The following NEGR1 variants were observed in gnomAD, a reference collection of about 807,000 sequenced individuals.
The protein encoded by NEGR1 is neuronal growth regulator 1.
A neutral mutation model predicts 40.9 loss-of-function variants in NEGR1; 10 were observed. That is an observed-to-expected ratio of 0.24 (90% CI 0.15 to 0.42). The LOEUF (loss-of-function observed/expected upper bound fraction) is 0.42, where lower values mean the gene tolerates loss of function less well. Ranked by LOEUF, NEGR1 falls within the 10% of genes least tolerant of loss-of-function variation. The pLI is 1.00. For missense variants in NEGR1, 352 were observed against 438.9 expected, an observed-to-expected ratio of 0.80 and a Z score of 1.77; for synonymous variants, 185 against 166.8, an observed-to-expected ratio of 1.11 and a Z score of -0.84.
At chr1:71,841,783 T>C (rs1380129138) in intron 2 of NEGR1, among the ~76,000 whole-genome samples, 1 of 152,150 alleles carries the variant, frequency 6.6e-6, no homozygotes, top group Admixed American at 6.6e-5. Flanking sequence ...AAGGCAAGGA[T>C]AGTGTCCTAA....
chr1:71,824,837 T>A (rs1202778401), intron 2 of NEGR1, among the ~76,000 whole-genome samples: 1 of 152,012 alleles, frequency 6.6e-6, no homozygotes, highest in Non-Finnish European at 1.5e-5. Context: ...TGATTTATTC[T>A]TAGTTATTAC....
intron 6 of NEGR1, among the ~76,000 whole-genome samples, chr1:71,499,545 T>C (rs1013367898): frequency 1.3e-5 from 2 of 149,404 alleles, no homozygotes; most frequent in African/African-American, 4.9e-5. Context: ...GTTTACCATA[T>C]GCTGGGAATT....
rs1432681064 is a variant in NEGR1, at chr1:71,956,328, A to C, written c.177-21017T>G. On this transcript the variant is annotated intron_variant, in intron 1 of 6. Coordinates refer to ENST00000357731, the MANE Select transcript of NEGR1 (RefSeq NM_173808.3). Reference sequence around the variant, plus strand: ...TTATCTTCTACCGTGATTATTAATGACACAAATTAGAAATATATTCAACTT... The same window carrying C: ...TTATCTTCTACCGTGATTATTAATGCCACAAATTAGAAATATATTCAACTT... 2.0e-5 allele frequency among the ~76,000 whole-genome samples: 3 copies of C among 152,282 alleles called. No homozygotes were observed. In the East Asian group the frequency reaches 5.8e-4, roughly 29 times the overall value.
chr1:71,686,025 G>A (rs967559583), intron 4 of NEGR1, among the ~76,000 whole-genome samples: 2 of 63,410 alleles, frequency 3.2e-5, no homozygotes, highest in Non-Finnish European at 6.2e-5. Flanking sequence ...TCAAAGGCAT[G>A]AGACTCATAG....
At chr1:72,039,533 C>T (rs1363993545) in intron 1 of NEGR1, among the ~76,000 whole-genome samples, 1 of 151,896 alleles carries the variant, frequency 6.6e-6, no homozygotes, top group African/African-American at 2.4e-5. Context: ...TTGCATTTAA[C>T]AGTAAGAACC....
intron 6 of NEGR1, among the ~76,000 whole-genome samples, chr1:71,427,164 T>C (rs368445609): frequency 1.5e-4 from 23 of 152,218 alleles, no homozygotes; most frequent in Non-Finnish European, 2.9e-4. Context: ...TAGCTGGATA[T>C]TTCTCCGAGC....
chr1:71,996,761 C>A (rs113344161), intron 1 of NEGR1, among the ~76,000 whole-genome samples: 2 of 152,022 alleles, frequency 1.3e-5, no homozygotes, highest in Non-Finnish European at 2.9e-5. Context: ...ATAAAATGAT[C>A]TTTGCTTTCG....
chr1:71,638,956 C>A (rs1050632175), intron 4 of NEGR1, among the ~76,000 whole-genome samples: 3 of 151,492 alleles, frequency 2.0e-5, no homozygotes, highest in African/African-American at 7.3e-5. Flanking sequence ...TACTCACATT[C>A]ATTTCACCTA....
chr1:71,673,720 C>T (rs1409125411), intron 4 of NEGR1, among the ~76,000 whole-genome samples: 1 of 151,962 alleles, frequency 6.6e-6, no homozygotes, highest in Non-Finnish European at 1.5e-5. Flanking sequence ...TAACTTGTGA[C>T]AATATGTGAA....
chr1:71,848,367 G>C (rs1052304119), intron 2 of NEGR1, among the ~76,000 whole-genome samples: 5 of 152,158 alleles, frequency 3.3e-5, no homozygotes, highest in Non-Finnish European at 7.3e-5. Context: ...TTCATAGCTA[G>C]AGAGGTCAAA....
At chr1:72,114,734 G>A (rs984298840) in intron 1 of NEGR1, among the ~76,000 whole-genome samples, 1 of 151,668 alleles carries the variant, frequency 6.6e-6, no homozygotes, top group African/African-American at 2.4e-5. Context: ...TTTATTTTTG[G>A]TTTTAAAGAA....
intron 2 of NEGR1, among the ~76,000 whole-genome samples, chr1:71,910,294 T>C (rs981029420): frequency 6.6e-6 from 1 of 152,158 alleles, no homozygotes; most frequent in African/African-American, 2.4e-5. Flanking sequence ...TGTAAAAATA[T>C]GGACAATTAA....
intron 2 of NEGR1, among the ~76,000 whole-genome samples, chr1:71,840,743 C>T (rs1570418684): frequency 6.6e-6 from 1 of 152,070 alleles, no homozygotes; most frequent in African/African-American, 2.4e-5. Flanking sequence ...TTGACTGGAC[C>T]GTGGTACCCA....
At chr1:71,859,604 A>C (rs1236980564) in intron 2 of NEGR1, among the ~76,000 whole-genome samples, 1 of 152,000 alleles carries the variant, frequency 6.6e-6, no homozygotes, top group Non-Finnish European at 1.5e-5. Flanking sequence ...GTTCCGATAA[A>C]AATGTGTTTA....
chr1:71,975,226 A>G (rs960418690), intron 1 of NEGR1, among the ~76,000 whole-genome samples: 11 of 152,270 alleles, frequency 7.2e-5, no homozygotes, highest in Non-Finnish European at 1.5e-4. Flanking sequence ...CTTAATGGGA[A>G]GTAGGTGGGG....
At chr1:72,141,368 G>A (rs553566324) in intron 1 of NEGR1, among the ~76,000 whole-genome samples, 2 of 151,876 alleles carry the variant, frequency 1.3e-5, no homozygotes, top group African/African-American at 2.4e-5. Context: ...TCATGACATG[G>A]TATGAATTTA....
chr1:71,589,573 C>A (rs1570073123), intron 6 of NEGR1, among the ~76,000 whole-genome samples: 2 of 151,956 alleles, frequency 1.3e-5, no homozygotes, highest in African/African-American at 2.4e-5. Context: ...AACCTTAATT[C>A]TTTTCTTATG....
At chr1:71,490,743 G>A (rs990622023) in intron 6 of NEGR1, among the ~76,000 whole-genome samples, 20 of 151,958 alleles carry the variant, frequency 1.3e-4, no homozygotes, top group African/African-American at 4.6e-4. Context: ...TCTTCCTTTG[G>A]CCATTGATGT....
In NEGR1 at chr1:71,614,155, A is replaced by T. The variant is rs193255881; in HGVS notation, c.668-3009T>A. Among the ~76,000 whole-genome samples the T allele has an allele frequency of 3.2e-5, 4 of 123,758 alleles. No individual in the cohort carries two copies. In the East Asian group the frequency reaches 1.3e-3, roughly 41 times the overall value. The allele number at this position is 123,758 out of a possible 152,430, so 81.2% of individuals were successfully genotyped here. A position where few individuals can be genotyped will look rare whatever the true frequency, so the allele number is the denominator to read the frequency against. ...TATTTTTGCTAAAGTACTTGCTAAT[A>T]AATTGGTGAAAAAAATGAAATAATA... On this transcript the variant is annotated intron_variant, in intron 4 of 6. Coordinates refer to ENST00000357731, the MANE Select transcript of NEGR1 (RefSeq NM_173808.3).
Sources: allele counts gnomAD v4.1 joint callset (sites outside exome capture counted in the v4.1 genomes callset), GRCh38; gene constraint gnomAD v4.1.1; transcripts MANE v1.5; gene names NCBI Gene and HGNC (gene_info 2026-07-23, HGNC 2026-07-21).